The following SACS variants were observed in gnomAD, a reference collection of about 807,000 sequenced individuals.
SACS encodes the protein sacsin molecular chaperone.
In SACS, 197 loss-of-function variants were observed where a neutral mutation model predicts 348.0. The ratio of observed to expected loss-of-function variants is 0.57; its 90% confidence interval spans 0.50 to 0.64. The LOEUF is 0.64. Ranked by LOEUF, SACS falls within the 30% of genes least tolerant of loss-of-function variation. SACS has a pLI of 0.00. For missense variants in SACS, 4,999 were observed against 5,360.8 expected (o/e 0.93, Z 2.11); for synonymous variants, 1,985 against 1,910.6 (o/e 1.04, Z -1.02).
intron 1 of SACS, among the ~76,000 whole-genome samples, chr13:23,412,854 T>G (rs890435952): frequency 6.6e-6 from 1 of 152,220 alleles, no homozygotes; most frequent in African/African-American, 2.4e-5. Flanking sequence ...GTGCCTGTAA[T>G]AGTCTAACAT....
At chr13:23,398,784 G>C (rs111950231) in intron 2 of SACS, among the ~76,000 whole-genome samples, 5 of 151,900 alleles carry the variant, frequency 3.3e-5, no homozygotes, top group African/African-American at 9.7e-5. Context: ...ACTTCAGAGA[G>C]AGCAGGTTGT....
intron 2 of SACS, among the ~76,000 whole-genome samples, chr13:23,405,245 G>A (rs1016245896): frequency 2.0e-5 from 3 of 152,120 alleles, no homozygotes; most frequent in Admixed American, 6.5e-5. Flanking sequence ...AGAGTCCTCA[G>A]AAATAATGCC....
rs1011936606 is a variant in SACS, at chr13:23,374,380, T to C, written c.171+739A>G. The stretch of plus-strand genomic sequence containing the variant: ...ATTCAACACCTGAAATGTCATCCTA[T>C]ACGCTCAAGTATTCCTTGTATTATC... On this transcript the variant is annotated intron_variant, in intron 3 of 9. Transcript: ENST00000382292. 4.6e-5 allele frequency among the ~76,000 whole-genome samples: 7 copies of C among 152,366 alleles called. No homozygotes were observed. The South Asian group carries it at 8.3e-4, about 18-fold the overall frequency.
Position 23,340,141 on chromosome 13 carries a change from G to A in SACS, c.3735C>T (p.Tyr1245=). 1 of 1,613,670 alleles carries A rather than the reference G, an allele frequency of 6.2e-7. No homozygotes were observed. Among genetic ancestry groups the A allele is most frequent in the South Asian group, 1.1e-5 (1 of 90,992 alleles). ...YSSKTFSDED[Y]YQFQHILLEI... is the part of the protein sequence containing the mutation. ...CAAGCAAAATATGCTGGAATTGATA[G>A]TAGTCTTCATCACTAAAGGTTTTTG... is the stretch of plus-strand genomic sequence containing the variant. Residue 1245 remains tyrosine (Y), a synonymous_variant, in exon 10 of 10, where the codon TAC becomes TAT. Coordinates refer to ENST00000382292, the MANE Select transcript of SACS (RefSeq NM_014363.6).
rs185072118 is a variant in SACS, at chr13:23,418,284, C to G, written c.-501-6544G>C. On this transcript the variant is annotated intron_variant, in intron 1 of 9. Transcript: ENST00000382292. ...ATATTTATCTTTCATATGGATAATA[C>G]CTTCATTTAAATATAATACAAAGAC... Among the ~76,000 whole-genome samples, 9 of 152,096 alleles carry G rather than the reference C, an allele frequency of 5.9e-5. No individual in the cohort carries two copies. In the South Asian group the frequency reaches 1.0e-3, roughly 18 times the overall value.
chr13:23,398,290 C>T (rs1014872589), intron 2 of SACS, among the ~76,000 whole-genome samples: 4 of 146,938 alleles, frequency 2.7e-5, no homozygotes, highest in South Asian at 2.2e-4. Flanking sequence ...CCTAGCACTT[C>T]GGGAGGCCAA....
rs761098842 is a variant in SACS at position 23,331,034 on chromosome 13, G to C, written c.12842C>G (p.Ser4281Cys). ...PGLRSIPPLF[S>C]GRESHKTSSK... Reference sequence around the variant, plus strand: ...AGAAGTCTTGTGGCTCTCTCTACCAGAGAAAAGAGGAGGAATGCTTCTCAG... The same window carrying C: ...AGAAGTCTTGTGGCTCTCTCTACCACAGAAAAGAGGAGGAATGCTTCTCAG... The change falls in exon 10 of 10, where the codon TCT becomes TGT. Residue 4281 changes from serine to cysteine, a missense_variant. Ser to Cys is a moderately radical substitution (Grantham distance 112). This residue lies in a region of SACS where 831 missense variants were observed against 941.8 expected (regional missense o/e 0.88). Coordinates refer to ENST00000382292, the MANE Select transcript of SACS (RefSeq NM_014363.6). 1.2e-6 allele frequency: 2 copies of C among 1,614,112 alleles called. No individual in the cohort carries two copies. Among genetic ancestry groups the C allele is most frequent in the Non-Finnish European group, 1.7e-6 (2 of 1,179,998 alleles).
Position 23,337,327 on chromosome 13 carries a change from T to C in SACS, c.6549A>G (p.Leu2183=). The C allele has an allele frequency of 6.2e-7, 1 of 1,614,008 alleles. No homozygotes were observed. The highest frequency in any genetic ancestry group is 8.5e-7 in the Non-Finnish European group (1 of 1,179,920). ...INKSDHVAAC[L]RSSILLSLID... ...TAAGACTCAATAAGATACTACTTCT[T>C]AGGCATGCAGCAACATGATCACTTT... The change falls in exon 10 of 10, where the codon CTA becomes CTG. Residue 2183 remains leucine, a synonymous_variant. Coordinates refer to ENST00000382292, the MANE Select transcript of SACS (RefSeq NM_014363.6).
At chr13:23,359,436 A>G (rs1870601869) in intron 6 of SACS, among the ~76,000 whole-genome samples, 2 of 152,136 alleles carry the variant, frequency 1.3e-5, no homozygotes, top group Admixed American at 6.6e-5. Flanking sequence ...CAGCCTCTAG[A>G]TTGTTCTATA....
chr13:23,380,054 C>A (rs1447283408), intron 2 of SACS, among the ~76,000 whole-genome samples: 2 of 152,054 alleles, frequency 1.3e-5, no homozygotes, highest in Non-Finnish European at 2.9e-5. Context: ...ATTTGGGCCA[C>A]ACTATTTCCT....
chr13:23,333,380 T>G lies in SACS; in HGVS notation c.10496A>C (p.Tyr3499Ser). The G allele has an allele frequency of 6.2e-7, 1 of 1,603,032 alleles. No homozygotes were observed. Among genetic ancestry groups the G allele is most frequent in the Non-Finnish European group, 8.5e-7 (1 of 1,175,964 alleles). ...AGCACTTGATAATCTATTCTTAAGG[T>G]AGATCAAGTGCTCTAATTTTGCATC... ...SYDAKLEHLI[Y>S]LKNRLSSAEE... The change falls in exon 10 of 10, where the codon TAC becomes TCC. Residue 3499 changes from tyrosine (Y) to serine (S), a missense_variant. Tyr to Ser is a moderately radical substitution (Grantham distance 144). Around this residue, in one of 6 missense-constraint regions of SACS, gnomAD observed 734 missense variants for 694.0 expected, o/e 1.06. Transcript: ENST00000382292.
chr13:23,423,418 TATCACTA>T (rs975620762), intron 1 of SACS, among the ~76,000 whole-genome samples: 3 of 152,094 alleles, frequency 2.0e-5, no homozygotes, highest in Admixed American at 1.3e-4. Flanking sequence ...TACAACTATC[TATCACTA>T]ATAACAAAAA....
At position 23,335,503 on chromosome 13, in the gene SACS, C is replaced by T. The variant is rs762948322; in HGVS notation, c.8373G>A (p.Lys2791=). ...GAACTGGTATGTCTTTGAGCTGCCT[C>T]TTTTTAGTAACACTATCAATTACAG... ...HASVIDSVTK[K]RQLKDIPVQQ... Residue 2791 remains lysine (K), a synonymous_variant, in exon 10 of 10, where the codon AAG becomes AAA. Transcript: ENST00000382292. This position sits in a 1 kb window ranked among gnomAD's most constrained non-coding sequence, Gnocchi z 4.7. 3 of 1,613,714 alleles carry T rather than the reference C, an allele frequency of 1.9e-6. No individual in the cohort carries two copies. Among genetic ancestry groups the T allele is most frequent in the East Asian group, 2.2e-5 (1 of 44,876 alleles).
At chr13:23,365,963 C>A (rs994009643) in intron 5 of SACS, among the ~76,000 whole-genome samples, 1 of 152,124 alleles carries the variant, frequency 6.6e-6, no homozygotes, top group African/African-American at 2.4e-5. Flanking sequence ...TTTGCCTCAA[C>A]AAAATTTCCA....
At chr13:23,409,040 C>CTTTTTTTATTTTTTTTTTTTTTT (rs1873360300) in intron 2 of SACS, among the ~76,000 whole-genome samples, 1 of 35,122 alleles carries the variant, frequency 2.8e-5, no homozygotes, top group East Asian at 8.5e-4. Flanking sequence ...ACAAGTTTTA[C>CTTTTTTTATTTTTTTTTTTTTTT]TTTTTTTTTT....
At chr13:23,354,408 C>T (rs1271607139) in intron 8 of SACS, 111 bp downstream of exon 8, 9 of 896,812 alleles carry the variant, frequency 1.0e-5, no homozygotes, top group South Asian at 1.4e-5. Context: ...GTCTTCCTAA[C>T]TATAAAATCG....
At chr13:23,401,502 C>T (rs891146019) in intron 2 of SACS, among the ~76,000 whole-genome samples, 4 of 152,214 alleles carry the variant, frequency 2.6e-5, no homozygotes, top group African/African-American at 9.6e-5. Context: ...AAACCAACCT[C>T]TGCCGTGACC....
intron 1 of SACS, among the ~76,000 whole-genome samples, chr13:23,418,114 C>G (rs746411926): frequency 6.7e-6 from 1 of 150,308 alleles, no homozygotes; most frequent in East Asian, 1.9e-4. Context: ...TTTCTGCTCA[C>G]CTAAGGCAAG....
chr13:23,370,310 G>A (rs1439114603), intron 4 of SACS, among the ~76,000 whole-genome samples: 2 of 152,148 alleles, frequency 1.3e-5, no homozygotes, highest in Non-Finnish European at 2.9e-5. Context: ...ACAAAGCACT[G>A]CAGATATTTA....
Sources: gnomAD v4.1 joint callset for allele counts (sites outside exome capture counted in the v4.1 genomes callset) on GRCh38, gnomAD v4.1.1 for gene constraint, gnomAD v4.1.1 regional missense constraint, Gnocchi (gnomAD v3.1) non-coding constraint, MANE v1.5 for transcripts, NCBI Gene and HGNC (gene_info 2026-07-23, HGNC 2026-07-21) for gene names.